Variants in UNC13C observed in about 807,000 individuals in gnomAD.
UNC13C encodes unc-13 homolog C.
UNC13C carries 174 observed loss-of-function variants against 245.4 expected under a neutral mutation model. The observed-to-expected ratio is 0.71, with a 90% CI of 0.63 to 0.80. UNC13C has a LOEUF of 0.80. Among genes scored for constraint, UNC13C ranks in the 30% least tolerant of loss-of-function variants. The probability of loss-of-function intolerance (pLI) is 0.00; values close to 1 mark genes in which losing one functional copy is unlikely to be tolerated. For missense variants in UNC13C, 2,829 were observed against 2,602.9 expected (o/e 1.09, Z -1.89); for synonymous variants, 992 against 895.1 (o/e 1.11, Z -1.93).
In UNC13C at chr15:54,013,315, A is replaced by G. The variant is rs1449247806; in HGVS notation, c.412A>G (p.Thr138Ala). ...SESLNELRSS[T>A]ENQAQSTHTM... ...ATCATTAAATGAACTAAGGAGTAGC[A>G]CAGAAAACCAGGCACAATCAACACA... Residue 138 changes from threonine (T) to alanine (A), a missense_variant, in exon 2 of 33, where the codon ACA (threonine) becomes GCA (alanine). Coordinates refer to ENST00000260323, the MANE Select transcript of UNC13C (RefSeq NM_001080534.3). The G allele has an allele frequency of 1.9e-6, 3 of 1,613,866 alleles. No homozygotes were observed. Among genetic ancestry groups the G allele is most frequent in the East Asian group, 4.5e-5 (2 of 44,872 alleles).
At chr15:54,517,602 G>A (rs190110573) in intron 24 of UNC13C, among the ~76,000 whole-genome samples, 2 of 152,038 alleles carry the variant, frequency 1.3e-5, no homozygotes, top group East Asian at 1.9e-4. Context: ...GCTGACTGCT[G>A]TATGAAAAAA....
intron 14 of UNC13C, 115 bp from the exon 15 acceptor site, chr15:54,331,928 A>G: frequency 1.6e-6 from 1 of 626,340 alleles, no homozygotes; most frequent in Non-Finnish European, 2.6e-6. Context: ...TGGACAAGTC[A>G]TTGATATATT....
At chr15:53,980,799 A>G (rs1338616493) in intron 1 of UNC13C, among the ~76,000 whole-genome samples, 2 of 152,186 alleles carry the variant, frequency 1.3e-5, no homozygotes, top group Non-Finnish European at 2.9e-5. Context: ...GCCTAGAGAA[A>G]TCACTTTTCA....
At position 54,075,281 on chromosome 15, in the gene UNC13C, G is replaced by C. The variant is rs997249670; in HGVS notation, c.2983+59395G>C. Among the ~76,000 whole-genome samples the C allele has an allele frequency of 1.8e-4, 27 of 151,840 alleles. 1 individual carries two copies. Among genetic ancestry groups the C allele is most frequent in the African/African-American group, 6.5e-4 (27 of 41,316 alleles). On this transcript the variant is annotated intron_variant, in intron 2 of 32. Transcript: ENST00000260323. ...CGGGCGGATCACGAGGTCAGGAGATGGAGACCACCCTGGCTAACACGGCGA... is the reference window on the plus strand; with the variant it reads ...CGGGCGGATCACGAGGTCAGGAGATCGAGACCACCCTGGCTAACACGGCGA...
intron 19 of UNC13C, among the ~76,000 whole-genome samples, chr15:54,477,920 C>T (rs1033609383): frequency 1.3e-4 from 19 of 147,320 alleles, no homozygotes; most frequent in South Asian, 6.8e-4. Context: ...TAGAATTCGG[C>T]TGTGAATCCA....
the UNC13C span, among the ~76,000 whole-genome samples, chr15:53,895,541 A>C: frequency 3.9e-5 from 6 of 152,160 alleles, no homozygotes; most frequent in African/African-American, 1.4e-4. Context: ...TTTAATAAAC[A>C]TAATTAAAAG....
intron 13 of UNC13C, among the ~76,000 whole-genome samples, chr15:54,315,293 T>A (rs913500880): frequency 4.0e-5 from 6 of 151,694 alleles, no homozygotes; most frequent in Admixed American, 4.0e-4. Context: ...CAAACTCCTG[T>A]CACTCTATTA....
chr15:54,329,819 G>T (rs1234803171), intron 14 of UNC13C, among the ~76,000 whole-genome samples: 1 of 152,004 alleles, frequency 6.6e-6, no homozygotes, highest in African/African-American at 2.4e-5. Flanking sequence ...AGGCACTGAA[G>T]ACTAGGTAGG....
In UNC13C at chr15:54,084,300, G is replaced by A. The variant is rs566299115; in HGVS notation, c.2984-58718G>A. On this transcript the variant is annotated intron_variant, in intron 2 of 32. Transcript: ENST00000260323. The stretch of plus-strand genomic sequence containing the variant: ...TTGGTCAGTTGGATTTAAGTTCCTC[G>A]TGTATAACGGAGTGGGTGGGTTGGA... Among the ~76,000 whole-genome samples, 20 of 152,234 alleles carry A rather than the reference G, an allele frequency of 1.3e-4. No individual in the cohort carries two copies. In the East Asian group the frequency reaches 3.3e-3, roughly 25 times the overall value.
In UNC13C at chr15:54,014,197, A is replaced by G; in HGVS notation, c.1294A>G (p.Ile432Val). Residue 432 changes from isoleucine (I) to valine (V), a missense_variant, in exon 2 of 33, where the codon ATA (isoleucine) becomes GTA (valine). Transcript: ENST00000260323. ...PSSQTYESMA[I>V]KLSTPEPKIK... ...CTCCCAGACATATGAGAGCATGGCT[A>G]TAAAGTTGTCTACTCCAGAGCCAAA... The G allele has an allele frequency of 6.2e-7, 1 of 1,613,962 alleles. No individual in the cohort carries two copies. The highest frequency in any genetic ancestry group is 1.3e-5 in the African/African-American group (1 of 75,064).
chr15:54,372,729 G>A (rs1011606180), intron 17 of UNC13C, among the ~76,000 whole-genome samples: 1 of 152,124 alleles, frequency 6.6e-6, no homozygotes, highest in African/African-American at 2.4e-5. Context: ...CCTGAAAATA[G>A]ATTCTGAGGT....
chr15:53,910,894 A>G, the UNC13C span: 1 of 115,856 alleles, frequency 8.6e-6, no homozygotes, highest in South Asian at 3.1e-4. Context: ...CATGTACCTG[A>G]CAATTGCGAC....
chr15:54,612,479 TG>T (rs1900166704), intron 30 of UNC13C, among the ~76,000 whole-genome samples: 1 of 152,034 alleles, frequency 6.6e-6, no homozygotes, highest in Admixed American at 6.6e-5. Flanking sequence ...GATTTACAAA[TG>T]TTTTTTGTTT....
In UNC13C at chr15:54,366,540, A is replaced by AT. The variant is rs553878175; in HGVS notation, c.4714-26500dup. Reference sequence around the variant, plus strand: ...ATTTAACCCACTGTAGTTTTTTGTTATTTTTTTTGATATCTTAGGTTTACA... The same window carrying AT: ...ATTTAACCCACTGTAGTTTTTTGTTATTTTTTTTTGATATCTTAGGTTTACA... On this transcript the variant is annotated intron_variant, in intron 17 of 32. Coordinates refer to ENST00000260323, the MANE Select transcript of UNC13C (RefSeq NM_001080534.3). 1.9e-3 allele frequency among the ~76,000 whole-genome samples: 281 copies of AT among 151,672 alleles called. 1 individual carries two copies. The highest frequency in any genetic ancestry group is 2.2e-3 in the Non-Finnish European group (149 of 67,904).
chr15:53,897,337 A>G, the UNC13C span, among the ~76,000 whole-genome samples: 1 of 152,142 alleles, frequency 6.6e-6, no homozygotes, highest in Non-Finnish European at 1.5e-5. Context: ...TTAAGATCCA[A>G]CCTCCTGATT....
intron 15 of UNC13C, 77 bp downstream of exon 15, chr15:54,332,188 C>A: frequency 1.0e-6 from 1 of 982,704 alleles, no homozygotes; most frequent in Non-Finnish European, 1.5e-6. Flanking sequence ...TAAAAATTAC[C>A]CATCATGTAA....
intron 10 of UNC13C, among the ~76,000 whole-genome samples, chr15:54,292,065 C>T (rs1431466735): frequency 6.6e-6 from 1 of 151,912 alleles, no homozygotes. Context: ...AGTTCAAATA[C>T]TTTGTGTAGT....
chr15:54,599,360 C>T (rs753940990), intron 30 of UNC13C, among the ~76,000 whole-genome samples: 1 of 152,106 alleles, frequency 6.6e-6, no homozygotes, highest in Non-Finnish European at 1.5e-5. Flanking sequence ...TGAACAATTT[C>T]TTCTGCATTT....
intron 17 of UNC13C, among the ~76,000 whole-genome samples, chr15:54,390,893 C>A (rs900131908): frequency 2.0e-5 from 3 of 147,050 alleles, no homozygotes; most frequent in Non-Finnish European, 4.6e-5. Flanking sequence ...GTAGGGAAAG[C>A]CTGGTTTATG....
Sources: gnomAD v4.1 joint callset for allele counts (sites outside exome capture counted in the v4.1 genomes callset) on GRCh38, gnomAD v4.1.1 for gene constraint, MANE v1.5 for transcripts, NCBI Gene and HGNC (gene_info 2026-07-23, HGNC 2026-07-21) for gene names.